Variants in CGGBP1 observed in about 807,000 individuals in gnomAD.
CGGBP1 encodes CGG triplet repeat-binding protein 1.
A neutral mutation model predicts 11.4 loss-of-function variants in CGGBP1; 4 were observed. That is an observed-to-expected ratio of 0.35 (90% CI 0.17 to 0.80). The LOEUF (loss-of-function observed/expected upper bound fraction) is 0.80, where lower values mean the gene tolerates loss of function less well. Among genes scored for constraint, CGGBP1 ranks in the 30% least tolerant of loss-of-function variants. The pLI is 0.52. For synonymous variants in CGGBP1, 76 were observed against 74.1 expected (o/e 1.03, Z -0.13); for missense variants, 135 against 202.1 (o/e 0.67, Z 2.01).
chr3:88,145,421 AATG>A (rs1311114081), intron 1 of CGGBP1, among the ~76,000 whole-genome samples: 1 of 152,144 alleles, frequency 6.6e-6, no homozygotes, highest in African/African-American at 2.4e-5. Context: ...TGAGATCTAA[AATG>A]ATCAGTCTGA....
chr3:88,141,582 TGACTTG>T, intron 1 of CGGBP1: 1 of 1,280,406 alleles, frequency 7.8e-7, no homozygotes, highest in East Asian at 2.6e-5. Flanking sequence ...AACAGGAATC[TGACTTG>T]GAATTCCGGT....
chr3:88,136,641 G>C (rs963220122), intron 2 of CGGBP1, among the ~76,000 whole-genome samples: 1 of 152,152 alleles, frequency 6.6e-6, no homozygotes, highest in African/African-American at 2.4e-5. Flanking sequence ...GACATTAAAG[G>C]GTAGCAGAGA....
At chr3:88,126,283 T>G in intron 2 of CGGBP1, 1 of 1,463,138 alleles carries the variant, frequency 6.8e-7, no homozygotes, top group East Asian at 2.5e-5. Context: ...CTTCAGGAGA[T>G]TCAAAATCAA....
chr3:88,071,546 G>A (rs1707510925), intron 2 of CGGBP1, among the ~76,000 whole-genome samples: 1 of 152,226 alleles, frequency 6.6e-6, no homozygotes, highest in African/African-American at 2.4e-5. Context: ...CTTGGCAGGA[G>A]AATGGCGTGA....
At chr3:88,059,134 G>A, upstream of CGGBP1, 4 of 1,129,562 alleles carry the variant, frequency 3.5e-6, no homozygotes, top group South Asian at 4.9e-5. Flanking sequence ...TTGGCAGCTT[G>A]CGTCTTCCAA....
rs768805437 is a variant in CGGBP1 at position 88,140,711 on chromosome 3, A to C, written c.-229+259T>G. The C allele has an allele frequency of 2.3e-4, 373 of 1,613,650 alleles. 2 individuals carry two copies. The highest frequency in any genetic ancestry group is 5.1e-6 in the Non-Finnish European group (6 of 1,179,760). The stretch of plus-strand genomic sequence containing the variant: ...ATGGTTCCATTTTGCCCAGTGTTGT[A>C]CCACAAGAACACAACACCTTGCCAG... On this transcript the variant is annotated intron_variant, in intron 2 of 3. Transcript: ENST00000462901.
chr3:88,081,454 G>A (rs1708071925), intron 2 of CGGBP1, among the ~76,000 whole-genome samples: 1 of 152,090 alleles, frequency 6.6e-6, no homozygotes, highest in Non-Finnish European at 1.5e-5. Flanking sequence ...TGCAACATTT[G>A]TCATTGTGGT....
chr3:88,069,730 A>T (rs1010715259), intron 2 of CGGBP1, among the ~76,000 whole-genome samples: 1 of 152,210 alleles, frequency 6.6e-6, no homozygotes, highest in Admixed American at 6.5e-5. Flanking sequence ...ACTGGACTTC[A>T]GTATCTCGTG....
chr3:88,078,993 T>A (rs1707950537), intron 2 of CGGBP1, among the ~76,000 whole-genome samples: 1 of 152,072 alleles, frequency 6.6e-6, no homozygotes, highest in African/African-American at 2.4e-5. Context: ...AGCTAATGTA[T>A]TGGCTAAAAA....
At chr3:88,079,510 A>G (rs1455278377) in intron 2 of CGGBP1, among the ~76,000 whole-genome samples, 1 of 152,088 alleles carries the variant, frequency 6.6e-6, no homozygotes, top group Admixed American at 6.5e-5. Context: ...TTTTTGTTTC[A>G]TAATGAAGAA....
chr3:88,074,862 C>T (rs559954428), intron 2 of CGGBP1, among the ~76,000 whole-genome samples: 11 of 152,108 alleles, frequency 7.2e-5, no homozygotes, highest in Non-Finnish European at 1.6e-4. Context: ...TAAACCTCAC[C>T]AGGCTCACCA....
chr3:88,073,785 CAGT>C (rs1393742137), intron 2 of CGGBP1, among the ~76,000 whole-genome samples: 2 of 152,100 alleles, frequency 1.3e-5, no homozygotes, highest in African/African-American at 4.8e-5. Flanking sequence ...AATTGTTAAT[CAGT>C]AGCTACAATG....
chr3:88,137,623 G>A (rs1265181971), intron 2 of CGGBP1, among the ~76,000 whole-genome samples: 1 of 152,116 alleles, frequency 6.6e-6, no homozygotes, highest in Non-Finnish European at 1.5e-5. Flanking sequence ...AAAGAATGGG[G>A]AATTTTAACT....
At chr3:88,073,477 T>C (rs1248674858) in intron 2 of CGGBP1, among the ~76,000 whole-genome samples, 1 of 152,178 alleles carries the variant, frequency 6.6e-6, no homozygotes, top group Non-Finnish European at 1.5e-5. Flanking sequence ...ATAAAAAAAG[T>C]AAGCTATCGA....
intron 2 of CGGBP1, among the ~76,000 whole-genome samples, chr3:88,071,420 G>A (rs1281598686): frequency 5.9e-5 from 9 of 152,108 alleles, no homozygotes; most frequent in Non-Finnish European, 1.0e-4. Flanking sequence ...TGAGGCGGGC[G>A]GATCACAAAG....
intron 2 of CGGBP1, among the ~76,000 whole-genome samples, chr3:88,067,814 C>T (rs1308805022): frequency 6.6e-6 from 1 of 151,614 alleles, no homozygotes; most frequent in African/African-American, 2.4e-5. Flanking sequence ...TACAAATAAC[C>T]TATAAAGGAG....
At chr3:88,085,232 A>G (rs1443189740) in intron 2 of CGGBP1, among the ~76,000 whole-genome samples, 1 of 152,186 alleles carries the variant, frequency 6.6e-6, no homozygotes, top group South Asian at 2.1e-4. Context: ...TTTTTTCTGT[A>G]AAAGGACAGA....
At position 88,054,513 on chromosome 3, in the gene CGGBP1, TCTAGA is replaced by T. The variant is rs1395923946; in HGVS notation, c.*955_*959del. Reference sequence around the variant, plus strand: ...GCAGATAAAGTAAACTTGTTTCTAGTCTAGACTATTCACCTAAATAAACTCATAAA... The same window carrying T: ...GCAGATAAAGTAAACTTGTTTCTAGTCTATTCACCTAAATAAACTCATAAA... On this transcript the variant is annotated 3_prime_UTR_variant, in exon 4 of 4. Transcript: ENST00000482016. 3.3e-5 allele frequency: 5 copies of T among 152,264 alleles called. No individual in the cohort carries two copies. Among genetic ancestry groups the T allele is most frequent in the Non-Finnish European group, 4.4e-5 (3 of 68,010 alleles). The allele number at this position is 152,264 out of a possible 1,614,324, so 9.4% of individuals were successfully genotyped here.
At chr3:88,114,447 G>A (rs750905720) in intron 2 of CGGBP1, among the ~76,000 whole-genome samples, 2 of 152,092 alleles carry the variant, frequency 1.3e-5, no homozygotes, top group Non-Finnish European at 2.9e-5. Context: ...TGTAAGCAGG[G>A]TGCCCATTCA....
Sources: gnomAD v4.1 joint callset for allele counts (sites outside exome capture counted in the v4.1 genomes callset) on GRCh38, gnomAD v4.1.1 for gene constraint, MANE v1.5 for transcripts, NCBI Gene and HGNC (gene_info 2026-07-23, HGNC 2026-07-21) for gene names.